The following SAMMSON variants were observed in gnomAD, a reference collection of about 807,000 sequenced individuals.
SAMMSON encodes the protein long intergenic non-protein coding RNA 1212.
chr3:70,423,292 A>G (rs572438706), intron 2 of SAMMSON, among the ~76,000 whole-genome samples: 1 of 152,306 alleles, frequency 6.6e-6, no homozygotes, highest in Admixed American at 6.5e-5. Flanking sequence ...ATTTTCTAGA[A>G]CAAATGTGTT....
At chr3:70,412,930 T>C (rs1701231206) in intron 2 of SAMMSON, among the ~76,000 whole-genome samples, 1 of 152,198 alleles carries the variant, frequency 6.6e-6, no homozygotes, top group South Asian at 2.1e-4. Context: ...AAATGATGCC[T>C]AGCAAGCAGA....
intron 4 of SAMMSON, among the ~76,000 whole-genome samples, chr3:70,177,300 C>T (rs1266598654): frequency 6.6e-6 from 1 of 152,174 alleles, no homozygotes; most frequent in Non-Finnish European, 1.5e-5. Context: ...GAAAGATCTG[C>T]ACAGGGTGTG....
At chr3:70,067,049 T>C (rs1487370938) in intron 3 of SAMMSON, among the ~76,000 whole-genome samples, 1 of 152,062 alleles carries the variant, frequency 6.6e-6, no homozygotes, top group Non-Finnish European at 1.5e-5. Context: ...CACTTTTTAG[T>C]AGTCAATTGT....
intron 2 of SAMMSON, among the ~76,000 whole-genome samples, chr3:70,423,100 T>G (rs929588631): frequency 6.6e-6 from 1 of 152,006 alleles, no homozygotes; most frequent in Admixed American, 6.6e-5. Context: ...AAAAATTGCT[T>G]GTTTAATAAA....
At chr3:70,179,369 A>G (rs1046604190) in intron 4 of SAMMSON, among the ~76,000 whole-genome samples, 3 of 152,190 alleles carry the variant, frequency 2.0e-5, no homozygotes, top group African/African-American at 7.2e-5. Context: ...AATGCGTGTT[A>G]GGTGACTTTA....
At chr3:70,053,892 T>G (rs1461276961) in intron 3 of SAMMSON, among the ~76,000 whole-genome samples, 1 of 152,166 alleles carries the variant, frequency 6.6e-6, no homozygotes, top group Non-Finnish European at 1.5e-5. Context: ...TATCCATTAA[T>G]ACTAGAATGC....
intron 9 of SAMMSON, among the ~76,000 whole-genome samples, chr3:70,370,853 C>T (rs1426715953): frequency 6.6e-6 from 1 of 151,934 alleles, no homozygotes; most frequent in African/African-American, 2.4e-5. Context: ...GTTTCTCTTG[C>T]CTATGATTTA....
chr3:70,215,796 T>C (rs1701402035), intron 4 of SAMMSON, among the ~76,000 whole-genome samples: 1 of 152,132 alleles, frequency 6.6e-6, no homozygotes, highest in Non-Finnish European at 1.5e-5. Context: ...AGCCAACTGA[T>C]GAACTGACAG....
intron 4 of SAMMSON, among the ~76,000 whole-genome samples, chr3:70,107,356 G>C (rs2067370840): frequency 6.6e-6 from 1 of 152,056 alleles, no homozygotes; most frequent in Non-Finnish European, 1.5e-5. Flanking sequence ...GAAGGTTTGA[G>C]AAAATATATG....
At chr3:70,241,449 T>C (rs932353531) in intron 4 of SAMMSON, among the ~76,000 whole-genome samples, 8 of 152,178 alleles carry the variant, frequency 5.3e-5, no homozygotes, top group African/African-American at 1.9e-4. Context: ...CATTTGTAAA[T>C]ATGATGAAAA....
At chr3:70,191,154 CAA>C (rs1701128999) in intron 4 of SAMMSON, among the ~76,000 whole-genome samples, 3 of 152,214 alleles carry the variant, frequency 2.0e-5, no homozygotes, top group Non-Finnish European at 2.9e-5. Context: ...AAAGAGGAAA[CAA>C]AGAGGATGTT....
At chr3:70,139,280 TC>T (rs766878251) in intron 4 of SAMMSON, among the ~76,000 whole-genome samples, 1 of 152,076 alleles carries the variant, frequency 6.6e-6, no homozygotes, top group Non-Finnish European at 1.5e-5. Context: ...CAAGTTATCC[TC>T]CCACCTTGGC....
At chr3:70,159,300 T>C (rs2067604709) in intron 4 of SAMMSON, among the ~76,000 whole-genome samples, 1 of 151,998 alleles carries the variant, frequency 6.6e-6, no homozygotes, top group Admixed American at 6.6e-5. Flanking sequence ...ACATTAGGTA[T>C]ATCTCCTAAT....
At chr3:70,047,354 A>T (rs1456090559) in intron 3 of SAMMSON, among the ~76,000 whole-genome samples, 2 of 149,980 alleles carry the variant, frequency 1.3e-5, no homozygotes, top group African/African-American at 4.9e-5. Flanking sequence ...TTTGAGACAG[A>T]GTCTCGCTCT....
intron 4 of SAMMSON, among the ~76,000 whole-genome samples, chr3:70,128,715 TG>T (rs150122053): frequency 1.3e-5 from 2 of 152,160 alleles, no homozygotes; most frequent in Admixed American, 6.5e-5. Flanking sequence ...GGCTATGTTT[TG>T]GGGGTGACAT....
At chr3:70,245,213 A>G (rs1701695531) in intron 4 of SAMMSON, among the ~76,000 whole-genome samples, 1 of 152,132 alleles carries the variant, frequency 6.6e-6, no homozygotes, top group African/African-American at 2.4e-5. Flanking sequence ...TGCATTTTTA[A>G]AAGAGTTTTT....
intron 4 of SAMMSON, among the ~76,000 whole-genome samples, chr3:70,200,420 C>A (rs1171500273): frequency 1.3e-5 from 2 of 152,190 alleles, no homozygotes; most frequent in African/African-American, 4.8e-5. Flanking sequence ...GCACTCCAGC[C>A]ACACTGACTA....
At chr3:70,354,049 A>T (rs6789781) in intron 7 of SAMMSON, 70,704 of 152,036 alleles carry the variant, frequency 0.47, 17,282 homozygotes, top group Non-Finnish European at 0.55. Context: ...TTAGGGAGAG[A>T]GTGGGAGTCA....
intron 4 of SAMMSON, among the ~76,000 whole-genome samples, chr3:70,192,865 G>A (rs561800530): frequency 2.0e-5 from 3 of 152,296 alleles, no homozygotes; most frequent in Non-Finnish European, 4.4e-5. Flanking sequence ...AATTGGTGAT[G>A]GATAATTGAG....
Sources: allele counts gnomAD v4.1 joint callset (sites outside exome capture counted in the v4.1 genomes callset), GRCh38; gene constraint gnomAD v4.1.1; transcripts MANE v1.5; gene names NCBI Gene and HGNC (gene_info 2026-07-23, HGNC 2026-07-21).